VEPH1: variants seen among roughly 807,000 people sequenced by gnomAD.
The protein encoded by VEPH1 is ventricular zone-expressed PH domain-containing protein homolog 1.
VEPH1 carries 80 observed loss-of-function variants against 85.2 expected under a neutral mutation model. That is an observed-to-expected ratio of 0.94 (90% confidence interval 0.78 to 1.13). The LOEUF is 1.13. VEPH1 is among the 50% of genes most tolerant of loss of function. VEPH1 has a pLI of 0.00. For missense variants in VEPH1, 955 were observed against 980.5 expected (o/e 0.97, Z 0.35); for synonymous variants, 297 against 348.0 (o/e 0.85, Z 1.63).
At chr3:157,486,551 G>T (rs1416793353) in intron 2 of VEPH1, among the ~76,000 whole-genome samples, 1 of 151,472 alleles carries the variant, frequency 6.6e-6, no homozygotes, top group Non-Finnish European at 1.5e-5. Context: ...CACATTCTGG[G>T]CTTGATTTTT....
chr3:157,415,614 C>T (rs1014069484), intron 5 of VEPH1, among the ~76,000 whole-genome samples: 1 of 151,716 alleles, frequency 6.6e-6, no homozygotes, highest in Admixed American at 6.6e-5. Context: ...GCCTTAAAAC[C>T]CTACAGTCAC....
chr3:157,471,433 A>C (rs1460813346), intron 2 of VEPH1, among the ~76,000 whole-genome samples: 2 of 152,238 alleles, frequency 1.3e-5, no homozygotes, highest in Non-Finnish European at 2.9e-5. Context: ...TTTAAGGCTC[A>C]AAATAGGTAC....
At chr3:157,430,979 C>T (rs1460172278) in intron 4 of VEPH1, among the ~76,000 whole-genome samples, 1 of 152,188 alleles carries the variant, frequency 6.6e-6, no homozygotes, top group Admixed American at 6.5e-5. Context: ...GTTTCCTTGG[C>T]TTAACCAGTG....
intron 12 of VEPH1, among the ~76,000 whole-genome samples, chr3:157,268,043 A>T (rs1295116050): frequency 1.3e-5 from 2 of 152,254 alleles, no homozygotes; most frequent in Non-Finnish European, 2.9e-5. Context: ...ATGAAATATA[A>T]ACTTACAATT....
intron 12 of VEPH1, 27 bp from the exon 13 acceptor site, chr3:157,265,689 C>A: frequency 6.2e-7 from 1 of 1,609,254 alleles, no homozygotes; most frequent in Non-Finnish European, 8.5e-7. Context: ...AATAATCATG[C>A]CATGTATTTT....
chr3:157,264,373 A>G (rs1040056803), intron 13 of VEPH1, among the ~76,000 whole-genome samples: 1 of 152,108 alleles, frequency 6.6e-6, no homozygotes, highest in Non-Finnish European at 1.5e-5. Flanking sequence ...CTGGTTCTCC[A>G]GCTTGCACAC....
intron 6 of VEPH1, among the ~76,000 whole-genome samples, chr3:157,404,234 A>AG (rs971367258): frequency 1.3e-5 from 2 of 151,996 alleles, no homozygotes; most frequent in Non-Finnish European, 2.9e-5. Context: ...TAATTACTTG[A>AG]GGGGGGGTTA....
chr3:157,343,451 C>T (rs1263415067), intron 9 of VEPH1, among the ~76,000 whole-genome samples: 1 of 152,178 alleles, frequency 6.6e-6, no homozygotes, highest in Non-Finnish European at 1.5e-5. Context: ...TTCCTGGACA[C>T]ATACACCCTC....
intron 7 of VEPH1, among the ~76,000 whole-genome samples, chr3:157,375,460 G>A (rs1203334810): frequency 6.6e-6 from 1 of 152,218 alleles, no homozygotes; most frequent in Non-Finnish European, 1.5e-5. Context: ...CCTCGTAGTT[G>A]AAAAGGTTCT....
intron 3 of VEPH1, among the ~76,000 whole-genome samples, chr3:157,468,281 G>A: frequency 6.6e-6 from 1 of 152,188 alleles, no homozygotes; most frequent in Non-Finnish European, 1.5e-5. Context: ...CATCTGAAGT[G>A]TGACTAGTCC....
intron 12 of VEPH1, among the ~76,000 whole-genome samples, chr3:157,284,041 C>A (rs970134187): frequency 6.6e-6 from 1 of 152,140 alleles, no homozygotes; most frequent in Non-Finnish European, 1.5e-5. Flanking sequence ...CCTTTACAAG[C>A]GGTGACTTCT....
At chr3:157,341,268 A>G (rs1359784427) in intron 9 of VEPH1, among the ~76,000 whole-genome samples, 1 of 152,238 alleles carries the variant, frequency 6.6e-6, no homozygotes, top group East Asian at 1.9e-4. Flanking sequence ...AAGAAGCTAA[A>G]AACCTTGAAA....
At chr3:157,416,856 G>A (rs550677842) in intron 5 of VEPH1, among the ~76,000 whole-genome samples, 20 of 148,506 alleles carry the variant, frequency 1.3e-4, no homozygotes, top group African/African-American at 4.8e-4. Flanking sequence ...AAGAAAGAGA[G>A]AAAGAGAAAG....
chr3:157,417,491 G>A (rs975158317), intron 5 of VEPH1, among the ~76,000 whole-genome samples: 1 of 152,106 alleles, frequency 6.6e-6, no homozygotes, highest in Admixed American at 6.6e-5. Flanking sequence ...CTTAAACTCC[G>A]ATCTAATTAC....
chr3:157,339,151 C>T (rs1231635935), intron 9 of VEPH1, among the ~76,000 whole-genome samples: 1 of 152,196 alleles, frequency 6.6e-6, no homozygotes, highest in Non-Finnish European at 1.5e-5. Flanking sequence ...TTAAGCCAGA[C>T]TCCTAAAAGT....
At chr3:157,475,400 C>T (rs1737375056) in intron 2 of VEPH1, among the ~76,000 whole-genome samples, 1 of 152,112 alleles carries the variant, frequency 6.6e-6, no homozygotes, top group African/African-American at 2.4e-5. Context: ...AAAATAGGTG[C>T]ATTTTACCCA....
At chr3:157,478,345 T>C (rs1193893655) in intron 2 of VEPH1, among the ~76,000 whole-genome samples, 1 of 152,178 alleles carries the variant, frequency 6.6e-6, no homozygotes, top group Non-Finnish European at 1.5e-5. Flanking sequence ...CTAACAGGTA[T>C]TGTTTCTCAG....
intron 2 of VEPH1, among the ~76,000 whole-genome samples, chr3:157,471,395 A>G (rs1736943652): frequency 6.6e-6 from 1 of 152,166 alleles, no homozygotes; most frequent in African/African-American, 2.4e-5. Context: ...CAGAAGTGAA[A>G]ATTTCTGAGA....
At chr3:157,295,152 C>A (rs889296536) in intron 11 of VEPH1, among the ~76,000 whole-genome samples, 1 of 152,162 alleles carries the variant, frequency 6.6e-6, no homozygotes, top group African/African-American at 2.4e-5. Context: ...CATCATGTTG[C>A]CCCAGGGCTA....
Sources: allele counts gnomAD v4.1 joint callset (sites outside exome capture counted in the v4.1 genomes callset), GRCh38; gene constraint gnomAD v4.1.1; transcripts MANE v1.5; gene names NCBI Gene and HGNC (gene_info 2026-07-23, HGNC 2026-07-21).